Variants in SLC25A21 observed in about 807,000 individuals in gnomAD.
The protein encoded by SLC25A21 is mitochondrial 2-oxodicarboxylate carrier.
In SLC25A21, 47 loss-of-function variants were observed where a neutral mutation model predicts 43.8. The ratio of observed to expected loss-of-function variants is 1.07; its 90% CI spans 0.85 to 1.37. The LOEUF (loss-of-function observed/expected upper bound fraction) is 1.37. Among genes scored for constraint, SLC25A21 ranks in the 40% most tolerant of loss-of-function variants. The probability of loss-of-function intolerance (pLI) is 0.00; values close to 1 mark genes in which losing one functional copy is unlikely to be tolerated. For missense variants in SLC25A21, 352 were observed against 350.2 expected, an observed-to-expected ratio of 1.00 and a Z score of -0.04; for synonymous variants, 131 against 121.3, an observed-to-expected ratio of 1.08 and a Z score of -0.52.
At chr14:37,103,293 C>T (rs1962851801) in intron 1 of SLC25A21, among the ~76,000 whole-genome samples, 1 of 152,148 alleles carries the variant, frequency 6.6e-6, no homozygotes, top group Non-Finnish European at 1.5e-5. Flanking sequence ...AAATTACACA[C>T]AGATGAGGTT....
At chr14:36,949,849 A>G (rs999665213) in intron 1 of SLC25A21, among the ~76,000 whole-genome samples, 1 of 152,226 alleles carries the variant, frequency 6.6e-6, no homozygotes, top group African/African-American at 2.4e-5. Flanking sequence ...TTTTCAAAGC[A>G]GGCAAATAGA....
At chr14:37,163,332 G>A (rs1027274389) in intron 1 of SLC25A21, among the ~76,000 whole-genome samples, 5 of 150,712 alleles carry the variant, frequency 3.3e-5, no homozygotes, top group African/African-American at 1.2e-4. Flanking sequence ...AGAAATTTCT[G>A]TTGTTTATGC....
At chr14:36,914,767 G>A (rs947206368) in intron 1 of SLC25A21, among the ~76,000 whole-genome samples, 2 of 151,984 alleles carry the variant, frequency 1.3e-5, no homozygotes, top group Non-Finnish European at 1.5e-5. Flanking sequence ...GGAAGTATTT[G>A]TTAGTTTCAG....
chr14:37,024,263 G>A (rs1961046494), intron 1 of SLC25A21, among the ~76,000 whole-genome samples: 1 of 152,010 alleles, frequency 6.6e-6, no homozygotes, highest in Admixed American at 6.6e-5. Context: ...TAATACTGAT[G>A]CTGAACATAT....
chr14:36,764,551 C>CCAAAACAAAA (rs3061622), intron 3 of SLC25A21, among the ~76,000 whole-genome samples: 97 of 126,584 alleles, frequency 7.7e-4, no homozygotes, highest in South Asian at 1.4e-3. Flanking sequence ...AAAAAAAAAG[C>CCAAAACAAAA]CAAAACAAAA....
At chr14:37,006,195 G>A (rs974178939) in intron 1 of SLC25A21, among the ~76,000 whole-genome samples, 9 of 152,088 alleles carry the variant, frequency 5.9e-5, no homozygotes, top group Non-Finnish European at 1.0e-4. Context: ...ACATCATTAT[G>A]TAAACTAAAA....
chr14:36,828,288 T>C (rs1220591357), intron 2 of SLC25A21: 1 of 152,230 alleles, frequency 6.6e-6, no homozygotes, highest in Admixed American at 6.5e-5. Context: ...CGGCTCCCTG[T>C]ACATCCAGGG....
intron 1 of SLC25A21, among the ~76,000 whole-genome samples, chr14:37,063,043 G>A (rs1201966431): frequency 6.6e-6 from 1 of 152,170 alleles, no homozygotes; most frequent in Non-Finnish European, 1.5e-5. Flanking sequence ...GCAGGAGAGA[G>A]AATGAGTGCC....
At chr14:36,919,581 C>T (rs957413065) in intron 1 of SLC25A21, among the ~76,000 whole-genome samples, 1 of 151,828 alleles carries the variant, frequency 6.6e-6, no homozygotes, top group African/African-American at 2.4e-5. Flanking sequence ...GATATACATA[C>T]ATCAATCTAA....
intron 3 of SLC25A21, among the ~76,000 whole-genome samples, chr14:36,789,800 T>C (rs1887390349): frequency 9.9e-6 from 1 of 100,688 alleles, no homozygotes; most frequent in Non-Finnish European, 1.9e-5. Flanking sequence ...ATATAATATA[T>C]TTTATATATT....
chr14:36,939,692 TA>T (rs1218556146), intron 1 of SLC25A21, among the ~76,000 whole-genome samples: 23 of 152,196 alleles, frequency 1.5e-4, no homozygotes, highest in African/African-American at 5.5e-4. Context: ...ATTTAATATT[TA>T]AATACATATA....
chr14:36,794,321 A>AAAT (rs1048794218), intron 3 of SLC25A21, among the ~76,000 whole-genome samples: 2 of 144,410 alleles, frequency 1.4e-5, no homozygotes, highest in Admixed American at 1.4e-4. Context: ...CTCTCACTTT[A>AAAT]TTTAAAGTTT....
chr14:36,931,697 T>A (rs1892297325), intron 1 of SLC25A21, among the ~76,000 whole-genome samples: 1 of 152,120 alleles, frequency 6.6e-6, no homozygotes, highest in Admixed American at 6.6e-5. Flanking sequence ...AGAAGAGCAC[T>A]CAAGAATCTA....
At chr14:36,904,219 G>A (rs982847070) in intron 1 of SLC25A21, among the ~76,000 whole-genome samples, 3 of 152,178 alleles carry the variant, frequency 2.0e-5, no homozygotes, top group South Asian at 2.1e-4. Context: ...TTGACCACGC[G>A]TAAGTCAATA....
intron 3 of SLC25A21, among the ~76,000 whole-genome samples, chr14:36,743,594 G>A (rs1297610646): frequency 1.1e-4 from 17 of 152,104 alleles, no homozygotes; most frequent in Admixed American, 1.0e-3. Context: ...ATGGGGAAAA[G>A]CTGAAAGCAT....
chr14:36,842,699 A>T (rs1889422705), intron 2 of SLC25A21, among the ~76,000 whole-genome samples: 1 of 152,196 alleles, frequency 6.6e-6, no homozygotes, highest in South Asian at 2.1e-4. Context: ...CCTTTGATAT[A>T]AGCAGGAAAA....
intron 1 of SLC25A21, among the ~76,000 whole-genome samples, chr14:37,053,010 G>A (rs1961743704): frequency 6.6e-6 from 1 of 152,054 alleles, no homozygotes. Context: ...ATTTTTGACA[G>A]CTTTATTGAA....
chr14:37,138,426 T>C (rs2138916191), intron 1 of SLC25A21, among the ~76,000 whole-genome samples: 1 of 152,274 alleles, frequency 6.6e-6, no homozygotes, highest in East Asian at 1.9e-4. Context: ...TGTTTAAAAT[T>C]TGAGAGAAAA....
At chr14:36,898,350 C>T (rs1031881020) in intron 1 of SLC25A21, among the ~76,000 whole-genome samples, 6 of 151,352 alleles carry the variant, frequency 4.0e-5, no homozygotes, top group African/African-American at 7.4e-5. Flanking sequence ...AGGATATAAT[C>T]TCCTGGTGTG....
Sources: allele counts gnomAD v4.1 joint callset (sites outside exome capture counted in the v4.1 genomes callset), GRCh38; gene constraint gnomAD v4.1.1; transcripts MANE v1.5; gene names NCBI Gene and HGNC (gene_info 2026-07-23, HGNC 2026-07-21).